The following UNC13C variants were observed in gnomAD, a reference collection of about 807,000 sequenced individuals.
The protein encoded by UNC13C is protein unc-13 homolog C.
Under a neutral mutation model 245.4 loss-of-function variants are expected in UNC13C, and 174 were observed. The observed-to-expected ratio is 0.71, with a 90% CI of 0.63 to 0.80. UNC13C has a LOEUF of 0.80. UNC13C is among the 30% of genes least tolerant of loss of function. The pLI is 0.00. For synonymous variants in UNC13C, 992 were observed against 895.1 expected (o/e 1.11, Z -1.93); for missense variants, 2,829 against 2,602.9 (o/e 1.09, Z -1.89).
At chr15:54,532,341 G>T (rs1049494140) in intron 25 of UNC13C, among the ~76,000 whole-genome samples, 1 of 152,104 alleles carries the variant, frequency 6.6e-6, no homozygotes, top group African/African-American at 2.4e-5. Flanking sequence ...TATACTCAAA[G>T]GAATATAAAT....
chr15:54,349,661 T>C (rs2038936628), intron 17 of UNC13C, among the ~76,000 whole-genome samples: 1 of 152,136 alleles, frequency 6.6e-6, no homozygotes, highest in Admixed American at 6.5e-5. Context: ...ATATGGGACA[T>C]TGGAACCTTC....
the UNC13C span, among the ~76,000 whole-genome samples, chr15:53,956,374 C>T: frequency 6.6e-6 from 1 of 151,994 alleles, no homozygotes; most frequent in African/African-American, 2.4e-5. Flanking sequence ...GGGAAATTCA[C>T]ATAGCAAATA....
intron 19 of UNC13C, among the ~76,000 whole-genome samples, chr15:54,453,569 A>G (rs1891301409): frequency 6.6e-6 from 1 of 152,212 alleles, no homozygotes; most frequent in South Asian, 2.1e-4. Context: ...ATGCTACAGT[A>G]AAAAGTTCTT....
chr15:54,455,254 C>G (rs1428026503), intron 19 of UNC13C, among the ~76,000 whole-genome samples: 1 of 103,164 alleles, frequency 9.7e-6, no homozygotes, highest in Non-Finnish European at 2.0e-5. Flanking sequence ...TTAATCCACT[C>G]ATTGGTAGAT....
chr15:54,199,327 T>C (rs1298990074), intron 4 of UNC13C, among the ~76,000 whole-genome samples: 1 of 152,072 alleles, frequency 6.6e-6, no homozygotes, highest in Non-Finnish European at 1.5e-5. Context: ...CATCCAAATA[T>C]AAGAAGCTTC....
At chr15:54,084,535 C>T (rs908421147) in intron 2 of UNC13C, among the ~76,000 whole-genome samples, 1 of 152,138 alleles carries the variant, frequency 6.6e-6, no homozygotes, top group Non-Finnish European at 1.5e-5. Context: ...GAATGTGTCC[C>T]CTTTATGGCC....
chr15:53,876,799 A>G, the UNC13C span, among the ~76,000 whole-genome samples: 1 of 152,328 alleles, frequency 6.6e-6, no homozygotes, highest in East Asian at 1.9e-4. Flanking sequence ...AAAACAACAT[A>G]GTAACTGTAA....
At position 54,626,965 on chromosome 15, in the gene UNC13C, G is replaced by T; in HGVS notation, c.6497G>T (p.Gly2166Val). 4 of 1,613,438 alleles carry T rather than the reference G, an allele frequency of 2.5e-6. No individual in the cohort carries two copies. The South Asian group carries it at 4.4e-5, about 18-fold the overall frequency. The stretch of plus-strand genomic sequence containing the variant: ...AACATAGCAGAAAAGGGAAGCTATG[G>T]GGCATGGTATCCTCTTCTGAAAAAT... The part of the protein sequence containing the change: ...LQNIAEKGSY[G>V]AWYPLLKNIS... Residue 2166 changes from glycine (G) to valine (V), a missense_variant, in exon 33 of 33, where the codon GGG (glycine) becomes GTG (valine). Gly to Val is a moderately radical substitution (Grantham distance 109). Coordinates refer to ENST00000260323, the MANE Select transcript of UNC13C (RefSeq NM_001080534.3).
intron 19 of UNC13C, among the ~76,000 whole-genome samples, chr15:54,469,575 C>T (rs2141040238): frequency 6.6e-6 from 1 of 151,664 alleles, no homozygotes; most frequent in South Asian, 2.1e-4. Flanking sequence ...AATGCATATC[C>T]TTTCATATAC....
In UNC13C at chr15:54,626,816, T is replaced by G; in HGVS notation, c.6360-12T>G. On this transcript the variant is annotated splice_polypyrimidine_tract_variant and intron_variant, in intron 32 of 32. Coordinates refer to ENST00000260323, the MANE Select transcript of UNC13C (RefSeq NM_001080534.3). The stretch of plus-strand genomic sequence containing the variant: ...AGTTTTTGCTCAAAATTTGTATTTT[T>G]AATCCACACAGCATTCTCGGAAAGG... 1 of 1,597,886 alleles carries G rather than the reference T, an allele frequency of 6.3e-7. No homozygotes were observed. The highest frequency in any genetic ancestry group is 8.5e-7 in the Non-Finnish European group (1 of 1,172,090).
chr15:53,994,433 C>A lies in UNC13C; in HGVS notation c.-257+15506C>A, dbSNP rs147581251. 7.4e-3 allele frequency among the ~76,000 whole-genome samples: 1,132 copies of A among 152,108 alleles called. 13 individuals are homozygous for A. The highest frequency in any genetic ancestry group is 0.025 in the African/African-American group (1,058 of 41,498). ...TTAAATTTTAATTATAAATGCCACA[C>A]CCATTTCACTTGAGTGCCTTGAAGC... On this transcript the variant is annotated intron_variant, in intron 1 of 32. Coordinates refer to ENST00000260323, the MANE Select transcript of UNC13C (RefSeq NM_001080534.3).
intron 17 of UNC13C, among the ~76,000 whole-genome samples, chr15:54,354,700 A>G (rs1421638381): frequency 6.6e-6 from 1 of 152,226 alleles, no homozygotes; most frequent in Non-Finnish European, 1.5e-5. Flanking sequence ...CCAAAGTAGT[A>G]CTTCCAACTC....
chr15:54,604,423 G>GT lies in UNC13C; in HGVS notation c.6107-17903dup, dbSNP rs566085266. Among the ~76,000 whole-genome samples, 19 of 152,234 alleles carry GT rather than the reference G, an allele frequency of 1.2e-4. No individual in the cohort carries two copies. In the East Asian group the frequency reaches 3.1e-3, roughly 25 times the overall value. On this transcript the variant is annotated intron_variant, in intron 30 of 32. Coordinates refer to ENST00000260323, the MANE Select transcript of UNC13C (RefSeq NM_001080534.3). Reference sequence around the variant, plus strand: ...GAAAGAAAACAAAAGAAAAACAGCTGTAACACCTCTGAGTTTAGGTGCATA... The same window carrying GT: ...GAAAGAAAACAAAAGAAAAACAGCTGTTAACACCTCTGAGTTTAGGTGCATA...
intron 2 of UNC13C, among the ~76,000 whole-genome samples, chr15:54,032,366 GA>G (rs1896393236): frequency 6.6e-6 from 1 of 152,172 alleles, no homozygotes; most frequent in Admixed American, 6.5e-5. Flanking sequence ...GAGATGCTTG[GA>G]CAGGCCTAAC....
At chr15:54,276,562 C>A (rs139623128) in intron 10 of UNC13C, among the ~76,000 whole-genome samples, 2 of 152,192 alleles carry the variant, frequency 1.3e-5, no homozygotes, top group Non-Finnish European at 2.9e-5. Context: ...TACATCCTTA[C>A]ATTTATGGCT....
chr15:54,456,472 C>G (rs185405087), intron 19 of UNC13C, among the ~76,000 whole-genome samples: 19 of 152,026 alleles, frequency 1.2e-4, no homozygotes, highest in African/African-American at 4.3e-4. Context: ...TTGGTCCTAC[C>G]CATCCATGAG....
intron 17 of UNC13C, among the ~76,000 whole-genome samples, chr15:54,378,000 A>G (rs139391308): frequency 4.2e-4 from 64 of 152,206 alleles, no homozygotes; most frequent in Non-Finnish European, 8.8e-4. Flanking sequence ...TAGATACAGT[A>G]TGGGATTTTT....
intron 2 of UNC13C, among the ~76,000 whole-genome samples, chr15:54,134,118 A>G (rs2031594427): frequency 6.6e-6 from 1 of 150,762 alleles, no homozygotes; most frequent in African/African-American, 2.4e-5. Context: ...CGAGAAAACA[A>G]TGTAGTATTA....
At chr15:53,937,157 T>A in the UNC13C span, among the ~76,000 whole-genome samples, 3 of 152,188 alleles carry the variant, frequency 2.0e-5, no homozygotes, top group Non-Finnish European at 4.4e-5. Flanking sequence ...TCGATGTTGA[T>A]AACTAGAATA....
Sources: allele counts gnomAD v4.1 joint callset (sites outside exome capture counted in the v4.1 genomes callset), GRCh38; gene constraint gnomAD v4.1.1; transcripts MANE v1.5; gene names NCBI Gene and HGNC (gene_info 2026-07-23, HGNC 2026-07-21).